The following TANC1 variants were observed in gnomAD, a reference collection of about 807,000 sequenced individuals.
TANC1 encodes tetratricopeptide repeat, ankyrin repeat and coiled-coil containing 1, also known as protein TANC1.
Under a neutral mutation model 149.7 loss-of-function variants are expected in TANC1, and 77 were observed. The ratio of observed to expected loss-of-function variants is 0.51; its 90% CI spans 0.43 to 0.62. TANC1 has a LOEUF of 0.62. Among genes scored for constraint, TANC1 ranks in the 20% least tolerant of loss-of-function variants. The pLI is 0.00. For synonymous variants in TANC1, 854 were observed against 925.0 expected (o/e 0.92, Z 1.39); for missense variants, 1,985 against 2,321.8 (o/e 0.85, Z 2.98).
At chr2:159,086,198 T>A (rs888619036) in intron 3 of TANC1, among the ~76,000 whole-genome samples, 1 of 150,778 alleles carries the variant, frequency 6.6e-6, no homozygotes, top group African/African-American at 2.4e-5. Context: ...TTATTATAAA[T>A]TAAGAGGGTG....
At chr2:159,208,194 A>G (rs1246031651) in intron 19 of TANC1, among the ~76,000 whole-genome samples, 1 of 152,186 alleles carries the variant, frequency 6.6e-6, no homozygotes, top group Non-Finnish European at 1.5e-5. Flanking sequence ...ATACAATGCT[A>G]TGTATTGTCA....
chr2:158,970,616 G>C (rs572667443), intron 1 of TANC1, among the ~76,000 whole-genome samples: 1 of 152,318 alleles, frequency 6.6e-6, no homozygotes, highest in African/African-American at 2.4e-5. Context: ...ATATCCTGGT[G>C]GTTCTGAAAT....
chr2:159,173,435 T>G (rs1237068316), intron 11 of TANC1, among the ~76,000 whole-genome samples: 1 of 152,004 alleles, frequency 6.6e-6, no homozygotes, highest in African/African-American at 2.4e-5. Flanking sequence ...TGAAACCTCG[T>G]CTCTACTAAA....
intron 2 of TANC1, among the ~76,000 whole-genome samples, chr2:159,013,628 C>T (rs1165486788): frequency 2.0e-5 from 3 of 152,070 alleles, no homozygotes; most frequent in African/African-American, 4.8e-5. Context: ...GACACAGTAC[C>T]GACGGTCTAT....
In TANC1 at chr2:159,172,265, C is replaced by T. The variant is rs1285082263; in HGVS notation, c.1496C>T (p.Ala499Val). 1 of 1,613,694 alleles carries T rather than the reference C, an allele frequency of 6.2e-7. No homozygotes were observed. The highest frequency in any genetic ancestry group is 1.1e-5 in the South Asian group (1 of 90,962). The stretch of plus-strand genomic sequence containing the variant: ...AGAGAGGATGCAGTGAAATATCTTG[C>T]TTCTAAGGTAATCTTTCTTGTTTTA... ...RPREDAVKYL[A>V]SKVVAYHYCQ... Residue 499 changes from alanine to valine, a missense_variant, in exon 11 of 27, where the codon GCT (alanine) becomes GTT (valine). By Grantham distance (64) the Ala-to-Val change is moderately conservative. This residue lies in a region of TANC1 where 557 missense variants were observed against 612.9 expected (regional missense o/e 0.91). Transcript: ENST00000263635.
At chr2:159,099,188 CATT>C (rs2046420095) in intron 4 of TANC1, among the ~76,000 whole-genome samples, 1 of 152,088 alleles carries the variant, frequency 6.6e-6, no homozygotes, top group South Asian at 2.1e-4. Context: ...GTTTACAATC[CATT>C]AATTAGCTGG....
At chr2:158,969,467 T>C (rs1363260874) in intron 1 of TANC1, among the ~76,000 whole-genome samples, 3 of 152,188 alleles carry the variant, frequency 2.0e-5, no homozygotes, top group Admixed American at 6.5e-5. Context: ...GGTGGGGCGC[T>C]GAGAAGAGCG....
intron 2 of TANC1, among the ~76,000 whole-genome samples, chr2:159,002,345 G>A (rs1574053277): frequency 1.3e-5 from 2 of 152,140 alleles, no homozygotes; most frequent in South Asian, 4.1e-4. Flanking sequence ...GTGCATGAAC[G>A]TAGGGAGGGG....
Position 159,014,730 on chromosome 2 carries a change from G to T in TANC1, c.-16+13541G>T, listed in dbSNP as rs111738752. 2.3e-3 allele frequency among the ~76,000 whole-genome samples: 349 copies of T among 152,272 alleles called. 3 individuals carry two copies. Among genetic ancestry groups the T allele is most frequent in the African/African-American group, 7.7e-3 (322 of 41,550 alleles). ...TTGGGTAAATACAACCATTCCAAAT[G>T]GGAGAAATTGGCCAAAACCAAGAGG... On this transcript the variant is annotated intron_variant, in intron 2 of 26. Coordinates refer to ENST00000263635, the MANE Select transcript of TANC1 (RefSeq NM_033394.3).
Position 159,139,528 on chromosome 2 carries a change from T to C in TANC1, c.364+3230T>C, listed in dbSNP as rs147295691. 3.9e-3 allele frequency among the ~76,000 whole-genome samples: 588 copies of C among 152,300 alleles called. 1 individual carries two copies. Among genetic ancestry groups the C allele is most frequent in the African/African-American group, 0.014 (571 of 41,564 alleles). On this transcript the variant is annotated intron_variant, in intron 5 of 26. Coordinates refer to ENST00000263635, the MANE Select transcript of TANC1 (RefSeq NM_033394.3). ...AAAAAACCTTCAGATAAATTAGAGA[T>C]GATTGTTATAACAGGATCCACGCTT...
chr2:159,157,672 T>G (rs1429561004), intron 7 of TANC1, among the ~76,000 whole-genome samples: 2 of 152,240 alleles, frequency 1.3e-5, no homozygotes, highest in East Asian at 3.8e-4. Flanking sequence ...TTCTATTCAC[T>G]TCTTCCTTTC....
intron 4 of TANC1, among the ~76,000 whole-genome samples, chr2:159,114,880 A>G (rs995696661): frequency 1.2e-4 from 18 of 152,076 alleles, no homozygotes; most frequent in Non-Finnish European, 2.5e-4. Context: ...TTTGGTGGTG[A>G]TCTTTATTTT....
intron 19 of TANC1, among the ~76,000 whole-genome samples, chr2:159,207,697 CAAAAAAAAAAAAA>C (rs10603858): frequency 2.6e-4 from 13 of 49,432 alleles, no homozygotes; most frequent in Middle Eastern, 0.019. Context: ...ACACGTGTCT[CAAAAAAAAAAAAA>C]AAAAAAAAAA....
At chr2:159,012,048 C>A (rs2037826294) in intron 2 of TANC1, among the ~76,000 whole-genome samples, 1 of 152,084 alleles carries the variant, frequency 6.6e-6, no homozygotes, top group Admixed American at 6.6e-5. Context: ...GAAGAGGAGC[C>A]CAGATGGTAA....
chr2:159,155,819 C>G (rs1177766280), intron 7 of TANC1, among the ~76,000 whole-genome samples: 3 of 152,152 alleles, frequency 2.0e-5, no homozygotes, highest in Non-Finnish European at 4.4e-5. Flanking sequence ...TATTAGACAC[C>G]TGGTTAGTAT....
chr2:159,061,422 T>A (rs894605137), intron 2 of TANC1, among the ~76,000 whole-genome samples: 10 of 152,158 alleles, frequency 6.6e-5, no homozygotes, highest in African/African-American at 2.2e-4. Context: ...GTTATAAGAC[T>A]CTCATTCCAG....
intron 1 of TANC1, among the ~76,000 whole-genome samples, chr2:158,974,907 A>ATTTTT (rs3028258): frequency 1.4e-4 from 14 of 103,288 alleles, no homozygotes; most frequent in East Asian, 2.9e-4. Flanking sequence ...TAATTTTTGT[A>ATTTTT]TTTTTTTTTT....
intron 2 of TANC1, among the ~76,000 whole-genome samples, chr2:159,034,898 C>T (rs1325652794): frequency 6.6e-6 from 1 of 152,194 alleles, no homozygotes; most frequent in Admixed American, 6.5e-5. Context: ...TGGTCTTTGT[C>T]ACGTTGTTTA....
intron 1 of TANC1, among the ~76,000 whole-genome samples, chr2:158,999,782 A>G (rs2036463482): frequency 6.6e-6 from 1 of 152,176 alleles, no homozygotes; most frequent in Admixed American, 6.5e-5. Flanking sequence ...GGTCCACTGT[A>G]CTCATCCTTT....
Sources: gnomAD v4.1 joint callset for allele counts (sites outside exome capture counted in the v4.1 genomes callset) on GRCh38, gnomAD v4.1.1 for gene constraint, gnomAD v4.1.1 regional missense constraint, MANE v1.5 for transcripts, NCBI Gene and HGNC (gene_info 2026-07-23, HGNC 2026-07-21) for gene names.